Variants in MTF1 observed in about 807,000 individuals in gnomAD.
The protein encoded by MTF1 is MRE-binding transcription factor.
A neutral mutation model predicts 70.4 loss-of-function variants in MTF1; 22 were observed. The observed-to-expected ratio is 0.31, with a 90% CI of 0.22 to 0.45. The LOEUF (loss-of-function observed/expected upper bound fraction) is 0.45. MTF1 is among the 20% of genes least tolerant of loss of function. MTF1 has a pLI of 1.00. For missense variants in MTF1, 649 were observed against 922.0 expected, an observed-to-expected ratio of 0.70 and a Z score of 3.83; for synonymous variants, 333 against 352.8, an observed-to-expected ratio of 0.94 and a Z score of 0.63.
At chr1:37,834,972 G>A (rs757107338) in intron 6 of MTF1, 107 bp downstream of exon 6, 281 of 1,219,014 alleles carry the variant, frequency 2.3e-4, no homozygotes, top group Non-Finnish European at 3.0e-4. Flanking sequence ...ACTTCTTCCC[G>A]CTCACTAACA....
intron 7 of MTF1, 79 bp downstream of exon 7, chr1:37,832,166 C>T (rs1000836620): frequency 7.7e-6 from 7 of 903,408 alleles, no homozygotes; most frequent in Non-Finnish European, 7.2e-6. Flanking sequence ...AAAGACTGGC[C>T]TGCCTCAATT....
intron 2 of MTF1, among the ~76,000 whole-genome samples, chr1:37,856,204 G>GTC (rs1430296558): frequency 1.9e-5 from 2 of 103,576 alleles, no homozygotes; most frequent in African/African-American, 7.6e-5. Context: ...TTGAGACTGA[G>GTC]TCTCTCTCTC....
rs1239947893 is a variant in MTF1, at chr1:37,830,824, C to A, written c.1068+1421G>T. On this transcript the variant is annotated intron_variant, in intron 7 of 10. Coordinates refer to ENST00000373036, the MANE Select transcript of MTF1 (RefSeq NM_005955.3). ...TTGGCTGGGCTGCTTAGAGTCTATC[C>A]CACACATCCATGGCGCAGGGGTCAG... Among the ~76,000 whole-genome samples, 6 of 151,946 alleles carry A rather than the reference C, an allele frequency of 3.9e-5. No homozygotes were observed. In the East Asian group the frequency reaches 1.2e-3, roughly 29 times the overall value.
rs911588468 is a variant in MTF1, at chr1:37,817,359, G to A, written c.1831+60C>T. On this transcript the variant is annotated intron_variant, in intron 10 of 10. Transcript: ENST00000373036. ...AGAAACTGGGACAAAGCAATAATTA[G>A]CTGTGCCTCAAGGGACCCACAGAGT... is the stretch of plus-strand genomic sequence containing the variant. The A allele has an allele frequency of 4.5e-5, 44 of 981,050 alleles. No individual in the cohort carries two copies. The African/African-American group carries it at 7.2e-4, about 16-fold the overall frequency. 60.8% of individuals were successfully genotyped at this position (981,050 alleles called of 1,614,324 possible). A position where few individuals can be genotyped will look rare whatever the true frequency, so the allele number is the denominator to read the frequency against.
At position 37,838,614 on chromosome 1, in the gene MTF1, G is replaced by A. The variant is rs757658413; in HGVS notation, c.779+11C>T. The A allele has an allele frequency of 1.9e-6, 3 of 1,608,582 alleles. No homozygotes were observed. Among genetic ancestry groups the A allele is most frequent in the East Asian group, 2.2e-5 (1 of 44,684 alleles). ...CCTGGTCAGTGACAAATAGAAAACA[G>A]TAAGACCTACCGAAATGGCTTTTCC... is the stretch of plus-strand genomic sequence containing the variant. On this transcript the variant is annotated intron_variant, in intron 4 of 10. Transcript: ENST00000373036.
Position 37,822,320 on chromosome 1 carries a change from T to G in MTF1, c.1568A>C (p.Gln523Pro), listed in dbSNP as rs140161506. The G allele has an allele frequency of 3.9e-5, 63 of 1,613,642 alleles. No homozygotes were observed. Among genetic ancestry groups the G allele is most frequent in the African/African-American group, 3.5e-4 (26 of 75,048 alleles). The change falls in exon 9 of 11, where the codon CAA (glutamine) becomes CCA (proline). Residue 523 changes from glutamine to proline, a missense_variant. By Grantham distance (76) the Gln-to-Pro change is moderately conservative. This residue lies in a region of MTF1 where 267 missense variants were observed against 292.1 expected (regional missense o/e 0.91). Transcript: ENST00000373036. Reference sequence around the variant, plus strand: ...GGCTGGCAGGGGCTCAGTAGTACTTTGTGGTGGGGCTGGTGCTGCCACAGC... The same window carrying G: ...GGCTGGCAGGGGCTCAGTAGTACTTGGTGGTGGGGCTGGTGCTGCCACAGC... Reference protein sequence around the residue: ...ASAVAAPAPPQSTTEPLPAMV... With the variant: ...ASAVAAPAPPPSTTEPLPAMV...
intron 8 of MTF1, 26 bp downstream of exon 8, chr1:37,823,684 G>A (rs368613360): frequency 1.9e-6 from 3 of 1,539,208 alleles, no homozygotes; most frequent in South Asian, 1.1e-5. Context: ...GCTTAGATGT[G>A]AGTAGAAAGA....
chr1:37,819,136 C>T (rs750886215), intron 9 of MTF1, among the ~76,000 whole-genome samples: 8 of 152,204 alleles, frequency 5.3e-5, no homozygotes, highest in South Asian at 2.1e-4. Context: ...CTCTCAACTT[C>T]GGACTTCTCA....
intron 1 of MTF1, among the ~76,000 whole-genome samples, chr1:37,858,134 G>T (rs745791417): frequency 2.0e-5 from 3 of 152,120 alleles, no homozygotes; most frequent in Non-Finnish European, 2.9e-5. Context: ...ATATTTAAAG[G>T]GGACAAAAGA....
intron 2 of MTF1, among the ~76,000 whole-genome samples, chr1:37,845,760 C>T (rs768694552): frequency 6.6e-6 from 1 of 152,166 alleles, no homozygotes; most frequent in African/African-American, 2.4e-5. Flanking sequence ...CTCACCTCAG[C>T]CTCCCAGAGT....
intron 2 of MTF1, among the ~76,000 whole-genome samples, chr1:37,851,775 C>A (rs1641421245): frequency 6.6e-6 from 1 of 151,920 alleles, no homozygotes; most frequent in African/African-American, 2.4e-5. Flanking sequence ...TCCAAATTAC[C>A]TATGCTAAAC....
Position 37,810,082 on chromosome 1 carries a change from C to T in MTF1, c.*5054G>A, listed in dbSNP as rs1640685175. 6.6e-6 allele frequency: 1 copy of T among 152,192 alleles called. No individual in the cohort carries two copies. Among genetic ancestry groups the T allele is most frequent in the Admixed American group, 6.5e-5 (1 of 15,278 alleles). The allele number at this position is 152,192 out of a possible 1,614,324, so 9.4% of individuals were successfully genotyped here. A position where few individuals can be genotyped will look rare whatever the true frequency, so the allele number is the denominator to read the frequency against. On this transcript the variant is annotated 3_prime_UTR_variant, in exon 11 of 11. Transcript: ENST00000373036. ...AGACACCTTGAACTCTGACCCCCAC[C>T]CCCACATTCTCCAAAACACAACGAA...
chr1:37,837,640 GGA>G (rs1471216432), intron 4 of MTF1, among the ~76,000 whole-genome samples: 2 of 151,992 alleles, frequency 1.3e-5, no homozygotes, highest in East Asian at 3.9e-4. Flanking sequence ...AGAGTAGCTG[GGA>G]CTATAGGCAT....
At chr1:37,829,671 G>A (rs899460316) in intron 7 of MTF1, among the ~76,000 whole-genome samples, 1 of 152,002 alleles carries the variant, frequency 6.6e-6, no homozygotes, top group Non-Finnish European at 1.5e-5. Context: ...TGTAGGCCCA[G>A]CTACTGGGGA....
In MTF1 at chr1:37,810,706, ATCCT is replaced by A. The variant is rs967760847; in HGVS notation, c.*4426_*4429del. Reference sequence around the variant, plus strand: ...CTATTTGCATATTGGATCTATGAAAATCCTTCTGCTTTGGCTGAAGTATATTCTA... The same window carrying A: ...CTATTTGCATATTGGATCTATGAAAATCTGCTTTGGCTGAAGTATATTCTA... On this transcript the variant is annotated 3_prime_UTR_variant, in exon 11 of 11. Transcript: ENST00000373036. 2 of 152,208 alleles carry A rather than the reference ATCCT, an allele frequency of 1.3e-5. No individual in the cohort carries two copies. The highest frequency in any genetic ancestry group is 2.9e-5 in the Non-Finnish European group (2 of 68,038). 9.4% of individuals were successfully genotyped at this position (152,208 alleles called of 1,614,324 possible).
At chr1:37,816,816 C>T (rs905846219) in intron 10 of MTF1, among the ~76,000 whole-genome samples, 14 of 152,152 alleles carry the variant, frequency 9.2e-5, no homozygotes, top group Middle Eastern at 3.4e-3. Context: ...GAGCTGTGAT[C>T]GTGCCACCAT....
At chr1:37,838,236 T>C (rs897940002) in intron 4 of MTF1, among the ~76,000 whole-genome samples, 1 of 152,260 alleles carries the variant, frequency 6.6e-6, no homozygotes, top group Non-Finnish European at 1.5e-5. Flanking sequence ...TAAGGCACTT[T>C]GGCCATCTTG....
Position 37,819,701 on chromosome 1 carries a change from C to T in MTF1, c.1768-2219G>A, listed in dbSNP as rs183138586. Among the ~76,000 whole-genome samples the T allele has an allele frequency of 3.3e-5, 5 of 152,112 alleles. No homozygotes were observed. The East Asian group carries it at 9.7e-4, about 29-fold the overall frequency. Reference sequence around the variant, plus strand: ...GCGTGGTGGCTCATGCTTGTAATCCCAGCACTTTGGGAGGCCGAGGTGGGC... The same window carrying T: ...GCGTGGTGGCTCATGCTTGTAATCCTAGCACTTTGGGAGGCCGAGGTGGGC... On this transcript the variant is annotated intron_variant, in intron 9 of 10. Transcript: ENST00000373036.
Position 37,814,926 on chromosome 1 carries a change from T to G in MTF1, c.*210A>C, listed in dbSNP as rs906956789. On this transcript the variant is annotated 3_prime_UTR_variant, in exon 11 of 11. Coordinates refer to ENST00000373036, the MANE Select transcript of MTF1 (RefSeq NM_005955.3). ...AGTTCACTTATAACTTAGCTTTTTT[T>G]GTTGTTTTTTTTGTTTTTTGTTTTT... 1 of 550,360 alleles carries G rather than the reference T, an allele frequency of 1.8e-6. No individual in the cohort carries two copies. Among genetic ancestry groups the G allele is most frequent in the African/African-American group, 1.9e-5 (1 of 53,028 alleles). 34.1% of individuals were successfully genotyped at this position (550,360 alleles called of 1,614,324 possible). A position where few individuals can be genotyped will look rare whatever the true frequency, so the allele number is the denominator to read the frequency against.
Sources: gnomAD v4.1 joint callset for allele counts (sites outside exome capture counted in the v4.1 genomes callset) on GRCh38, gnomAD v4.1.1 for gene constraint, gnomAD v4.1.1 regional missense constraint, MANE v1.5 for transcripts, NCBI Gene and HGNC (gene_info 2026-07-23, HGNC 2026-07-21) for gene names.